RANBP2: variants seen among roughly 807,000 people sequenced by gnomAD.
The protein encoded by RANBP2 is RAN binding protein 2, also known as E3 SUMO-protein ligase RanBP2.
A neutral mutation model predicts 303.6 loss-of-function variants in RANBP2; 57 were observed. The ratio of observed to expected loss-of-function variants is 0.19; its 90% CI spans 0.15 to 0.23. RANBP2 has a LOEUF of 0.23. RANBP2 is among the 10% of genes least tolerant of loss of function. RANBP2 has a pLI of 1.00. For synonymous variants in RANBP2, 1,167 were observed against 1,301.5 expected (o/e 0.90, Z 2.23); for missense variants, 3,138 against 3,780.8 (o/e 0.83, Z 4.46).
the RANBP2 span, among the ~76,000 whole-genome samples, chr2:109,316,015 C>A: frequency 6.6e-6 from 1 of 152,222 alleles, no homozygotes; most frequent in South Asian, 2.1e-4. Flanking sequence ...GCATCAGGGG[C>A]TTTTTTCACC....
the RANBP2 span, among the ~76,000 whole-genome samples, chr2:109,265,864 C>T: frequency 6.6e-6 from 1 of 152,176 alleles, no homozygotes; most frequent in Non-Finnish European, 1.5e-5. Context: ...CACCACTGAG[C>T]TGGGGCATTG....
At chr2:109,304,114 G>A in the RANBP2 span, among the ~76,000 whole-genome samples, 45,282 of 148,166 alleles carry the variant, frequency 0.31, 8,233 homozygotes, top group African/African-American at 0.54. Context: ...AAAAAAAAAA[G>A]AAAGATCTAC....
the RANBP2 span, among the ~76,000 whole-genome samples, chr2:109,707,603 C>T: frequency 6.6e-6 from 1 of 152,198 alleles, no homozygotes; most frequent in African/African-American, 2.4e-5. Context: ...CCTCCCTATC[C>T]TCCCATGACC....
rs1677951675 is a variant in RANBP2, at chr2:108,777,251, C to G, written c.8599+20C>G. The G allele has an allele frequency of 1.3e-6, 2 of 1,571,872 alleles. No homozygotes were observed. Among genetic ancestry groups the G allele is most frequent in the Non-Finnish European group, 1.7e-6 (2 of 1,150,856 alleles). Reference sequence around the variant, plus strand: ...CTAAAGGTAAGATCAAGAGGAGAGACTTTTAATGACATTGTTACAGAATCA... The same window carrying G: ...CTAAAGGTAAGATCAAGAGGAGAGAGTTTTAATGACATTGTTACAGAATCA... On this transcript the variant is annotated intron_variant, in intron 25 of 28. Coordinates refer to ENST00000283195, the MANE Select transcript of RANBP2 (RefSeq NM_006267.5).
intron 23 of RANBP2, among the ~76,000 whole-genome samples, chr2:108,775,463 C>T (rs971454982): frequency 3.3e-5 from 5 of 152,120 alleles, no homozygotes; most frequent in Admixed American, 1.3e-4. Context: ...AGAAAAACTC[C>T]GTGTGGATCT....
chr2:108,816,105 G>A, the RANBP2 span: 7 of 1,597,354 alleles, frequency 4.4e-6, no homozygotes, highest in East Asian at 2.2e-5. Flanking sequence ...AGTGTGTAAA[G>A]GTTTGTTTTT....
At chr2:109,031,571 G>T in the RANBP2 span, among the ~76,000 whole-genome samples, 1 of 152,180 alleles carries the variant, frequency 6.6e-6, no homozygotes, top group Admixed American at 6.5e-5. Context: ...TCTAGCGCAC[G>T]GCCTGGCCCC....
the RANBP2 span, among the ~76,000 whole-genome samples, chr2:109,602,716 G>A: frequency 6.7e-6 from 1 of 149,806 alleles, no homozygotes; most frequent in Admixed American, 6.7e-5. Context: ...TAGATGGCTC[G>A]AATTCCTTCA....
chr2:109,181,651 C>A, the RANBP2 span, among the ~76,000 whole-genome samples: 4 of 152,352 alleles, frequency 2.6e-5, no homozygotes, highest in East Asian at 3.9e-4. Flanking sequence ...TGTTGCCGAA[C>A]ACACCAAATC....
the RANBP2 span, among the ~76,000 whole-genome samples, chr2:109,021,331 G>T: frequency 6.6e-6 from 1 of 152,122 alleles, no homozygotes; most frequent in African/African-American, 2.4e-5. Context: ...AGACCATCCT[G>T]GCTGACACGG....
chr2:109,705,093 AT>A, the RANBP2 span, among the ~76,000 whole-genome samples: 1 of 151,000 alleles, frequency 6.6e-6, no homozygotes, highest in African/African-American at 2.4e-5. Context: ...AAATAAATAA[AT>A]AAATAAATAA....
At chr2:109,256,537 G>A in the RANBP2 span, among the ~76,000 whole-genome samples, 1 of 152,320 alleles carries the variant, frequency 6.6e-6, no homozygotes, top group Admixed American at 6.5e-5. Flanking sequence ...CACTCCTGGA[G>A]CTTTGAGGGG....
the RANBP2 span, among the ~76,000 whole-genome samples, chr2:108,977,471 T>C: frequency 6.6e-6 from 1 of 152,128 alleles, no homozygotes; most frequent in Non-Finnish European, 1.5e-5. Context: ...GCGGTTTCAC[T>C]GTGTTCGCCA....
intron 4 of RANBP2, among the ~76,000 whole-genome samples, chr2:108,732,293 A>G (rs1695232068): frequency 6.6e-6 from 1 of 152,076 alleles, no homozygotes; most frequent in South Asian, 2.1e-4. Flanking sequence ...TTTTTCCCCA[A>G]TGCTTATACA....
chr2:108,896,956 T>C, the RANBP2 span: 1 of 1,613,570 alleles, frequency 6.2e-7, no homozygotes, highest in Non-Finnish European at 8.5e-7. Flanking sequence ...CCCCGCCCAC[T>C]CCAGTATGTC....
the RANBP2 span, among the ~76,000 whole-genome samples, chr2:109,055,465 G>A: frequency 0.13 from 18,968 of 150,476 alleles, 2,385 homozygotes; most frequent in East Asian, 0.65. Context: ...GAATTCAAGC[G>A]ATTCTTCTGC....
At chr2:109,344,243 A>G in the RANBP2 span, among the ~76,000 whole-genome samples, 4 of 152,214 alleles carry the variant, frequency 2.6e-5, no homozygotes, top group Non-Finnish European at 5.9e-5. Context: ...GGAATTAGGA[A>G]GGTGGCCGAT....
In RANBP2 at chr2:108,756,063, T is replaced by C. The variant is rs534155488; in HGVS notation, c.2466+804T>C. On this transcript the variant is annotated intron_variant, in intron 17 of 28. Coordinates refer to ENST00000283195, the MANE Select transcript of RANBP2 (RefSeq NM_006267.5). ...TGAAAGTACTTTATGTGTCTCTCTCTTCATCTTCCACAAAATTTGAGACCT... is the reference window on the plus strand; with the variant it reads ...TGAAAGTACTTTATGTGTCTCTCTCCTCATCTTCCACAAAATTTGAGACCT... Among the ~76,000 whole-genome samples, 299 of 152,296 alleles carry C rather than the reference T, an allele frequency of 2.0e-3. 3 individuals carry two copies. Among genetic ancestry groups the C allele is most frequent in the African/African-American group, 6.8e-3 (284 of 41,568 alleles).
chr2:109,157,524 C>T, the RANBP2 span, among the ~76,000 whole-genome samples: 1 of 152,164 alleles, frequency 6.6e-6, no homozygotes, highest in Non-Finnish European at 1.5e-5. Context: ...TAGAGATAAT[C>T]TCATTGGGTC....
Sources: allele counts gnomAD v4.1 joint callset (sites outside exome capture counted in the v4.1 genomes callset), GRCh38; gene constraint gnomAD v4.1.1; transcripts MANE v1.5; gene names NCBI Gene and HGNC (gene_info 2026-07-23, HGNC 2026-07-21).